The following CDC42BPA variants were observed in gnomAD, a reference collection of about 807,000 sequenced individuals.
The protein encoded by CDC42BPA is CDC42 binding protein kinase alpha, also known as serine/threonine-protein kinase MRCK alpha.
A neutral mutation model predicts 223.5 loss-of-function variants in CDC42BPA; 80 were observed. The ratio of observed to expected loss-of-function variants is 0.36; its 90% CI spans 0.30 to 0.43. The LOEUF (loss-of-function observed/expected upper bound fraction) is 0.43. Ranked by LOEUF, CDC42BPA falls within the 20% of genes least tolerant of loss-of-function variation. CDC42BPA has a pLI of 1.00. For missense variants in CDC42BPA, 1,743 were observed against 2,099.9 expected (o/e 0.83, Z 3.32); for synonymous variants, 694 against 718.6 (o/e 0.97, Z 0.55).
chr1:227,137,263 A>C (rs898809130), intron 10 of CDC42BPA, among the ~76,000 whole-genome samples: 1 of 152,194 alleles, frequency 6.6e-6, no homozygotes, highest in African/African-American at 2.4e-5. Context: ...ACATGAAAAG[A>C]TATTCAACCT....
chr1:227,136,367 G>A (rs1196420882), intron 10 of CDC42BPA, among the ~76,000 whole-genome samples: 1 of 152,146 alleles, frequency 6.6e-6, no homozygotes, highest in Non-Finnish European at 1.5e-5. Context: ...AGAAAGAACG[G>A]AAGGAACAGA....
intron 1 of CDC42BPA, among the ~76,000 whole-genome samples, chr1:227,275,439 G>C (rs921564403): frequency 1.6e-4 from 24 of 151,876 alleles, no homozygotes; most frequent in Non-Finnish European, 2.9e-4. Flanking sequence ...ATACAGATGA[G>C]AGTAGATGTT....
At chr1:227,110,269 C>T (rs988371955) in intron 14 of CDC42BPA, among the ~76,000 whole-genome samples, 1 of 152,106 alleles carries the variant, frequency 6.6e-6, no homozygotes. Context: ...GTGAAGATTC[C>T]TACAATCTTT....
intron 34 of CDC42BPA, 125 bp from the exon 35 acceptor site, chr1:227,005,236 G>T: frequency 1.5e-6 from 1 of 689,408 alleles, no homozygotes; most frequent in East Asian, 2.6e-5. Flanking sequence ...CACAGAGTAA[G>T]GAATGGCAGA....
At chr1:227,291,211 T>C (rs1448161226) in intron 1 of CDC42BPA, among the ~76,000 whole-genome samples, 2 of 152,114 alleles carry the variant, frequency 1.3e-5, no homozygotes, top group Non-Finnish European at 2.9e-5. Flanking sequence ...AAAAATCATG[T>C]TGCTCCGGTG....
intron 5 of CDC42BPA, among the ~76,000 whole-genome samples, chr1:227,175,450 A>T (rs970588541): frequency 7.3e-5 from 11 of 150,556 alleles, no homozygotes; most frequent in Admixed American, 1.3e-4. Context: ...TATATATATA[A>T]ATAAATAACT....
intron 30 of CDC42BPA, among the ~76,000 whole-genome samples, chr1:227,027,200 A>G (rs182971014): frequency 4.2e-4 from 64 of 152,360 alleles, no homozygotes; most frequent in African/African-American, 1.5e-3. Flanking sequence ...AACAAAAAAT[A>G]GTTAAGTCGT....
intron 11 of CDC42BPA, among the ~76,000 whole-genome samples, chr1:227,122,014 T>G (rs1242697773): frequency 1.3e-5 from 2 of 152,140 alleles, no homozygotes; most frequent in African/African-American, 4.8e-5. Flanking sequence ...TTGACCAGGC[T>G]GGTCTCAAAC....
At chr1:227,274,572 T>C (rs991032080) in intron 1 of CDC42BPA, among the ~76,000 whole-genome samples, 2 of 152,068 alleles carry the variant, frequency 1.3e-5, no homozygotes, top group African/African-American at 4.8e-5. Context: ...TAGAAATATA[T>C]CCAAATAAAT....
intron 21 of CDC42BPA, among the ~76,000 whole-genome samples, chr1:227,060,847 G>T (rs1020732071): frequency 2.0e-5 from 3 of 147,806 alleles, no homozygotes; most frequent in African/African-American, 7.5e-5. Flanking sequence ...TCAGACTCCC[G>T]AGTAGCTGTG....
At chr1:227,082,054 G>A (rs1680782223) in intron 16 of CDC42BPA, among the ~76,000 whole-genome samples, 1 of 151,732 alleles carries the variant, frequency 6.6e-6, no homozygotes, top group Non-Finnish European at 1.5e-5. Flanking sequence ...TTGAGACAGG[G>A]TTTCACTCTG....
At chr1:227,120,753 T>C (rs1418834422) in intron 11 of CDC42BPA, among the ~76,000 whole-genome samples, 1 of 152,192 alleles carries the variant, frequency 6.6e-6, no homozygotes. Flanking sequence ...ACAACACTCA[T>C]TATCGGTTCT....
At chr1:227,160,361 A>G (rs183312330) in intron 6 of CDC42BPA, among the ~76,000 whole-genome samples, 182 bp downstream of exon 6, 5 of 152,292 alleles carry the variant, frequency 3.3e-5, no homozygotes, top group Admixed American at 3.3e-4. Context: ...ATGGCTTGTG[A>G]CTTTTTAGAC....
At chr1:227,053,685 G>C (rs1247017112) in intron 21 of CDC42BPA, among the ~76,000 whole-genome samples, 1 of 152,200 alleles carries the variant, frequency 6.6e-6, no homozygotes, top group African/African-American at 2.4e-5. Flanking sequence ...TAATAATCAA[G>C]GAGGCTAAGT....
In CDC42BPA at chr1:227,048,111, A is replaced by G. The variant is rs1672827804; in HGVS notation, c.3010-101T>C. On this transcript the variant is annotated intron_variant, in intron 22 of 36. Coordinates refer to ENST00000366766, the MANE Select transcript of CDC42BPA (RefSeq NM_001394014.1). ...AAAATAAATAAAACAAAACATCAATAAGGCAAAAAGTTCTACTAATTAATA... is the reference window on the plus strand; with the variant it reads ...AAAATAAATAAAACAAAACATCAATGAGGCAAAAAGTTCTACTAATTAATA... 6.4e-6 allele frequency: 4 copies of G among 624,324 alleles called. No individual in the cohort carries two copies. The East Asian group carries it at 1.2e-4, about 18-fold the overall frequency. 38.7% of individuals were successfully genotyped at this position (624,324 alleles called of 1,614,324 possible). A position where few individuals can be genotyped will look rare whatever the true frequency, so the allele number is the denominator to read the frequency against.
At chr1:227,057,607 T>C (rs2150873) in intron 21 of CDC42BPA, among the ~76,000 whole-genome samples, 23,489 of 152,182 alleles carry the variant, frequency 0.15, 2,197 homozygotes, top group African/African-American at 0.25. Context: ...ACTATTACTT[T>C]TCAGTGGCTG....
intron 34 of CDC42BPA, among the ~76,000 whole-genome samples, chr1:227,013,223 T>C (rs746022735): frequency 1.3e-5 from 2 of 152,096 alleles, no homozygotes; most frequent in Non-Finnish European, 2.9e-5. Context: ...AAGTCACTTG[T>C]GTTAATGCCA....
At chr1:227,014,387 G>A (rs1665810187) in intron 34 of CDC42BPA, among the ~76,000 whole-genome samples, 1 of 151,928 alleles carries the variant, frequency 6.6e-6, no homozygotes, top group South Asian at 2.1e-4. Flanking sequence ...ACAAAGAAAA[G>A]TATATTACTA....
chr1:227,194,719 G>A (rs938820924), intron 4 of CDC42BPA, among the ~76,000 whole-genome samples: 5 of 152,144 alleles, frequency 3.3e-5, no homozygotes, highest in African/African-American at 1.2e-4. Context: ...GTGTATTTGT[G>A]TGTACATTAT....
Sources: gnomAD v4.1 joint callset for allele counts (sites outside exome capture counted in the v4.1 genomes callset) on GRCh38, gnomAD v4.1.1 for gene constraint, MANE v1.5 for transcripts, NCBI Gene and HGNC (gene_info 2026-07-23, HGNC 2026-07-21) for gene names.